Variants in FYN observed in about 807,000 individuals in gnomAD.
FYN encodes the protein FYN proto-oncogene, Src family tyrosine kinase.
FYN carries 10 observed loss-of-function variants against 70.2 expected under a neutral mutation model. That is an observed-to-expected ratio of 0.14 (90% CI 0.09 to 0.24). The LOEUF is 0.24. Among genes scored for constraint, FYN ranks in the 10% least tolerant of loss-of-function variants. FYN has a pLI of 1.00. For synonymous variants in FYN, 236 were observed against 248.6 expected (o/e 0.95, Z 0.48); for missense variants, 319 against 673.1 (o/e 0.47, Z 5.82).
At chr6:111,749,305 A>G (rs1232835085) in intron 3 of FYN, among the ~76,000 whole-genome samples, 2 of 152,228 alleles carry the variant, frequency 1.3e-5, no homozygotes. Context: ...AGCAACAGCT[A>G]AAATTGAATG....
chr6:111,730,080 C>T (rs958477175), intron 3 of FYN, among the ~76,000 whole-genome samples: 1 of 152,152 alleles, frequency 6.6e-6, no homozygotes, highest in African/African-American at 2.4e-5. Flanking sequence ...TGTTGAGAGG[C>T]AACTCCTTCT....
intron 3 of FYN, among the ~76,000 whole-genome samples, chr6:111,730,809 C>T (rs1359856718): frequency 6.6e-6 from 1 of 152,164 alleles, no homozygotes; most frequent in Non-Finnish European, 1.5e-5. Flanking sequence ...TCTTCCTACC[C>T]TCCTTACCCT....
intron 3 of FYN, among the ~76,000 whole-genome samples, chr6:111,777,011 A>G (rs923922421): frequency 2.6e-5 from 4 of 152,226 alleles, no homozygotes; most frequent in Admixed American, 2.6e-4. Context: ...CCTTGATTCA[A>G]AAAGAAAGAC....
chr6:111,742,170 T>C (rs1802006567), intron 3 of FYN, among the ~76,000 whole-genome samples: 1 of 152,154 alleles, frequency 6.6e-6, no homozygotes, highest in Admixed American at 6.5e-5. Flanking sequence ...TTTAATCCTT[T>C]TTACTATAGA....
In FYN at chr6:111,721,884, G is replaced by T. The variant is rs138812668; in HGVS notation, c.-11-1822C>A. Among the ~76,000 whole-genome samples, 861 of 152,252 alleles carry T rather than the reference G, an allele frequency of 5.7e-3. 6 individuals are homozygous for T. Among genetic ancestry groups the T allele is most frequent in the Middle Eastern group, 0.01 (3 of 292 alleles). The stretch of plus-strand genomic sequence containing the variant: ...GCCAGTGGAGGTCCCTGCCAAAACC[G>T]CAAACTAGCCCATTTGGGACCAAAG... On this transcript the variant is annotated intron_variant, in intron 3 of 13. Transcript: ENST00000354650.
rs372089264 is a variant in FYN at position 111,679,247 on chromosome 6, A to G, written c.1274-4617T>C. ...CTCCTAGCCAAAGTGTTACTTGCAC[A>G]GGGAACCTTTGCCTGATCACTAAAG... On this transcript the variant is annotated intron_variant, in intron 12 of 13. Coordinates refer to ENST00000354650, the MANE Select transcript of FYN (RefSeq NM_002037.5). Among the ~76,000 whole-genome samples, 21 of 152,346 alleles carry G rather than the reference A, an allele frequency of 1.4e-4. 1 individual carries two copies. The highest frequency in any genetic ancestry group is 5.1e-4 in the African/African-American group (21 of 41,580).
intron 1 of FYN, among the ~76,000 whole-genome samples, chr6:111,870,741 A>G (rs781208959): frequency 4.2e-4 from 64 of 152,314 alleles, no homozygotes; most frequent in Non-Finnish European, 8.7e-4. Context: ...CTGGGCCCCA[A>G]AGGTTAAAAA....
At chr6:111,790,977 C>A (rs1435280507) in intron 2 of FYN, among the ~76,000 whole-genome samples, 1 of 152,202 alleles carries the variant, frequency 6.6e-6, no homozygotes, top group East Asian at 1.9e-4. Flanking sequence ...TATGTCAATT[C>A]TCCTCGCAAT....
chr6:111,816,539 AAGG>A (rs1245696060), intron 2 of FYN, among the ~76,000 whole-genome samples: 1 of 152,218 alleles, frequency 6.6e-6, no homozygotes. Flanking sequence ...CATAGATCAT[AAGG>A]AGGTCACAAT....
At chr6:111,745,667 G>C (rs62413662) in intron 3 of FYN, among the ~76,000 whole-genome samples, 10,893 of 152,262 alleles carry the variant, frequency 0.072, 1,000 homozygotes, top group African/African-American at 0.22. Flanking sequence ...TTGTATTTCA[G>C]AAACAGTGCT....
intron 3 of FYN, among the ~76,000 whole-genome samples, chr6:111,737,360 T>G (rs1342093278): frequency 6.6e-6 from 1 of 152,206 alleles, no homozygotes; most frequent in Non-Finnish European, 1.5e-5. Flanking sequence ...CAGGTTGTGG[T>G]ATGTGCTTCT....
chr6:111,760,133 A>T (rs1229787452), intron 3 of FYN, among the ~76,000 whole-genome samples: 2 of 152,208 alleles, frequency 1.3e-5, no homozygotes, highest in Non-Finnish European at 2.9e-5. Flanking sequence ...GAAAAGTTTG[A>T]TTCCAAACAA....
At chr6:111,802,815 T>C (rs1772031795) in intron 2 of FYN, among the ~76,000 whole-genome samples, 1 of 152,012 alleles carries the variant, frequency 6.6e-6, no homozygotes, top group Non-Finnish European at 1.5e-5. Context: ...CAATGCAGCA[T>C]CTTATTCCTT....
chr6:111,784,773 A>G (rs1771302021), intron 2 of FYN, among the ~76,000 whole-genome samples: 1 of 152,184 alleles, frequency 6.6e-6, no homozygotes, highest in Admixed American at 6.5e-5. Flanking sequence ...TTACTTGGGG[A>G]AAAGGAAAAA....
chr6:111,817,342 T>C (rs1213379526), intron 2 of FYN, among the ~76,000 whole-genome samples: 6 of 152,184 alleles, frequency 3.9e-5, no homozygotes, highest in Non-Finnish European at 7.3e-5. Context: ...ACAGATAACA[T>C]TCACAGGGTA....
chr6:111,853,404 A>T (rs967430382), intron 1 of FYN, among the ~76,000 whole-genome samples: 2 of 151,994 alleles, frequency 1.3e-5, no homozygotes, highest in African/African-American at 4.8e-5. Context: ...CATCACATCA[A>T]GAAAATACAT....
intron 2 of FYN, among the ~76,000 whole-genome samples, chr6:111,829,494 C>A (rs1772946049): frequency 6.6e-6 from 1 of 152,188 alleles, no homozygotes; most frequent in Admixed American, 6.5e-5. Flanking sequence ...GAGCCCAGGT[C>A]TCTCACATCA....
rs762057552 is a variant in FYN at position 111,789,860 on chromosome 6, G to A, written c.-81-9225C>T. Reference sequence around the variant, plus strand: ...GGACACGTCTAGCTCTCTTCCAACCGGATTACTACTCCCAAGTCCCTCCAA... The same window carrying A: ...GGACACGTCTAGCTCTCTTCCAACCAGATTACTACTCCCAAGTCCCTCCAA... On this transcript the variant is annotated intron_variant, in intron 2 of 13. Transcript: ENST00000354650. Among the ~76,000 whole-genome samples, 14 of 152,102 alleles carry A rather than the reference G, an allele frequency of 9.2e-5. 1 individual carries two copies. The highest frequency in any genetic ancestry group is 1.9e-4 in the Non-Finnish European group (13 of 68,020).
chr6:111,768,914 T>C (rs529895079), intron 3 of FYN, among the ~76,000 whole-genome samples: 131 of 152,258 alleles, frequency 8.6e-4, no homozygotes, highest in Non-Finnish European at 1.5e-3. Context: ...CTTAAAGAAA[T>C]GAAAAGGCTT....
Sources: gnomAD v4.1 joint callset for allele counts (sites outside exome capture counted in the v4.1 genomes callset) on GRCh38, gnomAD v4.1.1 for gene constraint, MANE v1.5 for transcripts, NCBI Gene and HGNC (gene_info 2026-07-23, HGNC 2026-07-21) for gene names.